Variants in POLR1C observed in about 807,000 individuals in gnomAD.
POLR1C encodes DNA-directed RNA polymerases I and III subunit RPAC1.
In POLR1C, 42 loss-of-function variants were observed where a neutral mutation model predicts 38.3. The ratio of observed to expected loss-of-function variants is 1.10; its 90% confidence interval spans 0.86 to 1.42. POLR1C has a LOEUF of 1.42. POLR1C is among the 40% of genes most tolerant of loss of function. POLR1C has a pLI of 0.00. For missense variants in POLR1C, 507 were observed against 450.5 expected (o/e 1.13, Z -1.14); for synonymous variants, 163 against 163.9 (o/e 0.99, Z 0.04).
At chr6:43,528,444 A>G (rs1283168222) in intron 8 of POLR1C, among the ~76,000 whole-genome samples, 2 of 151,872 alleles carry the variant, frequency 1.3e-5, no homozygotes, top group Non-Finnish European at 2.9e-5. Flanking sequence ...AGAATTAACA[A>G]CATTTTTAGA....
chr6:43,522,968 T>C, downstream of POLR1C: 1 of 176,958 alleles, frequency 5.7e-6, no homozygotes, highest in Non-Finnish European at 1.2e-5. Context: ...GACCATGAGA[T>C]TGTGGAAGGC....
rs778808255 is a variant in POLR1C, at chr6:43,560,211, T to G, written c.*49-1189T>G. On this transcript the variant is annotated intron_variant, in intron 10 of 10. Coordinates refer to the POLR1C transcript ENST00000607635. ...AGTTAGTCATGGAAGCACGAAGATA[T>G]TTTGGTATTATTGCTAATAGCAAAG... The G allele has an allele frequency of 1.2e-5, 19 of 1,612,668 alleles. No homozygotes were observed. In the Admixed American group the frequency reaches 3.0e-4, roughly 26 times the overall value.
chr6:43,551,477 T>C, intron 10 of POLR1C: 3 of 1,605,662 alleles, frequency 1.9e-6, no homozygotes, highest in Admixed American at 1.7e-5. Context: ...ATAAAACAGG[T>C]TGACAATGGC....
At position 43,551,242 on chromosome 6, in the gene POLR1C, T is replaced by C. The variant is rs542932550; in HGVS notation, c.*48+231T>C. ...CCTGTCTCCAAAAAAATAAAATAAA[T>C]AAAAATTAACTTAGAAATGTCAAAA... is the stretch of plus-strand genomic sequence containing the variant. On this transcript the variant is annotated intron_variant, in intron 10 of 10. Transcript: ENST00000607635. 1.5e-5 allele frequency: 22 copies of C among 1,489,348 alleles called. No homozygotes were observed. The African/African-American group carries it at 3.0e-4, about 20-fold the overall frequency. 92.3% of individuals were successfully genotyped at this position (1,489,348 alleles called of 1,614,324 possible). A position where few individuals can be genotyped will look rare whatever the true frequency, so the allele number is the denominator to read the frequency against.
intron 9 of POLR1C, among the ~76,000 whole-genome samples, chr6:43,534,665 C>A (rs1050201152): frequency 1.3e-5 from 2 of 152,096 alleles, no homozygotes; most frequent in Admixed American, 6.6e-5. Context: ...TCTTTTAGAC[C>A]ATGTTTAAAC....
chr6:43,525,917 T>G (rs1270611684), downstream of POLR1C: 1 of 1,613,920 alleles, frequency 6.2e-7, no homozygotes, highest in South Asian at 1.1e-5. Flanking sequence ...CCATCATTTC[T>G]TCATCTGTTA....
chr6:43,562,231 G>C (rs764393041), exon 11 of POLR1C: 4 of 1,591,216 alleles, frequency 2.5e-6, no homozygotes, highest in Non-Finnish European at 3.4e-6. Flanking sequence ...TCTCCAGAAA[G>C]CAAACACTAG....
chr6:43,530,836 A>T (rs755434559), downstream of POLR1C: 1 of 1,599,302 alleles, frequency 6.3e-7, no homozygotes, highest in Middle Eastern at 1.7e-4. Context: ...TGTAAAGGGG[A>T]AAAAAAGAGC....
intron 9 of POLR1C, among the ~76,000 whole-genome samples, chr6:43,549,138 T>C (rs1254421148): frequency 6.6e-6 from 1 of 152,180 alleles, no homozygotes; most frequent in Non-Finnish European, 1.5e-5. Context: ...CTTGGCTCAC[T>C]GCAACCTCCG....
Position 43,553,444 on chromosome 6 carries a change from C to T in POLR1C, c.*48+2433C>T, listed in dbSNP as rs1305801111. ...AAAAGAGTCATGGCTTCCCACTGCA[C>T]GAATGAAGGTGAGAAGACGGAACAG... On this transcript the variant is annotated intron_variant, in intron 10 of 10. Coordinates refer to the POLR1C transcript ENST00000607635. The T allele has an allele frequency of 6.3e-6, 10 of 1,595,044 alleles. No individual in the cohort carries two copies. Among genetic ancestry groups the T allele is most frequent in the Admixed American group, 3.5e-5 (2 of 56,802 alleles).
chr6:43,539,671 A>AG, intron 9 of POLR1C: 1 of 1,025,520 alleles, frequency 9.8e-7, no homozygotes, highest in Non-Finnish European at 1.4e-6. Context: ...CAGGGCCTCC[A>AG]GGCCCCCCCA....
intron 9 of POLR1C, chr6:43,549,760 C>T: frequency 8.5e-7 from 1 of 1,183,158 alleles, no homozygotes; most frequent in Non-Finnish European, 1.2e-6. Context: ...CCTATAGTGG[C>T]AAAACAACAT....
chr6:43,529,168 C>T, intron 8 of POLR1C: 1 of 1,472,540 alleles, frequency 6.8e-7, no homozygotes, highest in Non-Finnish European at 9.2e-7. Flanking sequence ...TGGTCACTGG[C>T]CCAAAAAGTA....
intron 9 of POLR1C, chr6:43,544,373 CTGAT>C (rs1478283801): frequency 1.3e-5 from 2 of 152,520 alleles, no homozygotes; most frequent in African/African-American, 2.4e-5. Context: ...TCTTCCTCTA[CTGAT>C]TGATAGGAAG....
chr6:43,525,361 C>T (rs1336702874), downstream of POLR1C: 4 of 716,658 alleles, frequency 5.6e-6, no homozygotes, highest in African/African-American at 3.6e-5. Context: ...TGGTCCTGAA[C>T]TCCTGGGCTC....
At chr6:43,549,786 A>T (rs771105704) in intron 9 of POLR1C, 7 of 1,283,734 alleles carry the variant, frequency 5.5e-6, no homozygotes, top group Non-Finnish European at 7.6e-6. Context: ...ATAATCTACC[A>T]CCCTTACTAC....
At chr6:43,560,708 A>G (rs1762372439) in intron 10 of POLR1C, among the ~76,000 whole-genome samples, 1 of 152,230 alleles carries the variant, frequency 6.6e-6, no homozygotes, top group Non-Finnish European at 1.5e-5. Context: ...TACAATCAGA[A>G]TATTACCTAA....
downstream of POLR1C, chr6:43,522,724 G>T: frequency 2.0e-6 from 1 of 500,856 alleles, no homozygotes; most frequent in Non-Finnish European, 4.2e-6. Flanking sequence ...CTTGTCAGTG[G>T]ACTGGATGGA....
At chr6:43,560,028 A>T in intron 10 of POLR1C, 1 of 936,478 alleles carries the variant, frequency 1.1e-6, no homozygotes, top group Non-Finnish European at 1.5e-6. Context: ...CATGTCGCAC[A>T]GGCTGGTCTC....
Sources: gnomAD v4.1 joint callset for allele counts (sites outside exome capture counted in the v4.1 genomes callset) on GRCh38, gnomAD v4.1.1 for gene constraint, MANE v1.5 for transcripts, NCBI Gene and HGNC (gene_info 2026-07-23, HGNC 2026-07-21) for gene names.